The following SORL1 variants were observed in gnomAD, a reference collection of about 807,000 sequenced individuals.
SORL1 encodes the protein sortilin related receptor 1.
A neutral mutation model predicts 273.7 loss-of-function variants in SORL1; 127 were observed. The ratio of observed to expected loss-of-function variants is 0.46; its 90% CI spans 0.40 to 0.54. SORL1 has a LOEUF of 0.54. Among genes scored for constraint, SORL1 ranks in the 20% least tolerant of loss-of-function variants. The pLI, the probability that SORL1 is intolerant of heterozygous loss-of-function variation, is 0.00. For missense variants in SORL1, 2,494 were observed against 2,846.1 expected, an observed-to-expected ratio of 0.88 and a Z score of 2.81; for synonymous variants, 1,031 against 1,067.4, an observed-to-expected ratio of 0.97 and a Z score of 0.66.
chr11:121,580,832 T>G (rs1248320994), intron 25 of SORL1, among the ~76,000 whole-genome samples: 5 of 152,032 alleles, frequency 3.3e-5, no homozygotes, highest in African/African-American at 1.2e-4. Flanking sequence ...CTCGAACTCC[T>G]GGGTGCAAGT....
chr11:121,616,519 C>A (rs1322551375), intron 41 of SORL1, among the ~76,000 whole-genome samples: 4 of 152,210 alleles, frequency 2.6e-5, no homozygotes, highest in African/African-American at 9.6e-5. Flanking sequence ...CGGTCACCAG[C>A]CTTGTCCTCG....
chr11:121,460,780 C>T (rs1318499710), intron 1 of SORL1, among the ~76,000 whole-genome samples: 2 of 152,246 alleles, frequency 1.3e-5, no homozygotes, highest in South Asian at 2.1e-4. Flanking sequence ...GGGTTAAGAG[C>T]CACCTGTGGA....
chr11:121,502,099 G>C (rs1399239850), intron 6 of SORL1, among the ~76,000 whole-genome samples: 1 of 133,148 alleles, frequency 7.5e-6, no homozygotes, highest in African/African-American at 2.8e-5. Context: ...ACCTGGGAGT[G>C]TAACTACTGG....
chr11:121,611,566 T>TA (rs1234452431), intron 39 of SORL1: 1 of 155,998 alleles, frequency 6.4e-6, no homozygotes, highest in African/African-American at 2.4e-5. Flanking sequence ...CTTGGAAACA[T>TA]ATTCACTTTC....
At position 121,631,587 on chromosome 11, in the gene SORL1, T is replaced by C. The variant is rs1472329705; in HGVS notation, c.*2024T>C. 6.6e-6 allele frequency: 1 copy of C among 152,212 alleles called. No homozygotes were observed. The highest frequency in any genetic ancestry group is 1.9e-4 in the East Asian group (1 of 5,204). 9.4% of individuals were successfully genotyped at this position (152,212 alleles called of 1,614,324 possible). A position where few individuals can be genotyped will look rare whatever the true frequency, so the allele number is the denominator to read the frequency against. On this transcript the variant is annotated 3_prime_UTR_variant, in exon 48 of 48. Transcript: ENST00000260197. ...TTTTGGTGGCATTTGTAAAAGCTGA[T>C]ATAAAAGGCTCTGAGATGTTATTTT... is the stretch of plus-strand genomic sequence containing the variant.
rs554912526 is a variant in SORL1, at chr11:121,622,001, T to C, written c.6065-161T>C. Reference sequence around the variant, plus strand: ...AAAAGAGATGCCAATAAAGAATATCTACCATGTGCTAGGTTCTGTACTCAG... The same window carrying C: ...AAAAGAGATGCCAATAAAGAATATCCACCATGTGCTAGGTTCTGTACTCAG... On this transcript the variant is annotated intron_variant, in intron 44 of 47. Transcript: ENST00000260197. Among the ~76,000 whole-genome samples the C allele has an allele frequency of 4.6e-5, 7 of 152,370 alleles. No individual in the cohort carries two copies. The South Asian group carries it at 1.2e-3, about 27-fold the overall frequency.
Position 121,583,556 on chromosome 11 carries a change from G to C in SORL1, c.3679G>C (p.Gly1227Arg). 6.2e-7 allele frequency: 1 copy of C among 1,611,990 alleles called. No homozygotes were observed. The highest frequency in any genetic ancestry group is 8.5e-7 in the Non-Finnish European group (1 of 1,179,036). Residue 1227 changes from glycine (G) to arginine (R), a missense_variant, in exon 26 of 48, where the codon GGT becomes CGT. Coordinates refer to ENST00000260197, the MANE Select transcript of SORL1 (RefSeq NM_003105.6). ...ACDGDTDCQD[G>R]SDEDPVNCEK... ...TGACGGGGATACGGACTGCCAGGAT[G>C]GTTCCGATGAGGATCCAGTCAACTG... is the stretch of plus-strand genomic sequence containing the variant.
intron 11 of SORL1, 105 bp downstream of exon 11, chr11:121,523,094 G>C: frequency 3.9e-6 from 3 of 764,488 alleles, no homozygotes. Context: ...CCATGGCAGA[G>C]ACCAGTAATG....
chr11:121,590,263 C>T (rs757917966), intron 30 of SORL1, 89 bp downstream of exon 30: 3 of 1,379,982 alleles, frequency 2.2e-6, no homozygotes, highest in South Asian at 2.9e-5. Context: ...CTGGCTGATT[C>T]CGTGTTTTGG....
At position 121,605,489 on chromosome 11, in the gene SORL1, G is replaced by A. The variant is rs183510875; in HGVS notation, c.4866G>A (p.Thr1622=). 5.1e-5 allele frequency: 82 copies of A among 1,614,084 alleles called. No homozygotes were observed. The highest frequency in any genetic ancestry group is 3.6e-4 in the South Asian group (33 of 91,080). Residue 1622 remains threonine (T), a synonymous_variant, in exon 35 of 48, where the codon ACG becomes ACA. Transcript: ENST00000260197. ...TVLKVLKPDT[T]YQVKVQVQCL... ...TAAAAGTCTTGAAACCAGATACCAC[G>A]TATCAGGTTAAAGTACAGGTTCAGT... is the stretch of plus-strand genomic sequence containing the variant.
intron 6 of SORL1, among the ~76,000 whole-genome samples, chr11:121,510,147 A>G (rs970218365): frequency 5.9e-5 from 9 of 152,258 alleles, no homozygotes; most frequent in South Asian, 2.1e-4. Flanking sequence ...TACATTGCCA[A>G]TGATAAAATT....
intron 25 of SORL1, among the ~76,000 whole-genome samples, chr11:121,579,442 G>A (rs530424741): frequency 5.9e-5 from 9 of 152,318 alleles, no homozygotes; most frequent in Admixed American, 2.6e-4. Flanking sequence ...TCTGCTGTGC[G>A]TCCTCTTTGC....
chr11:121,484,856 C>T (rs575421400), intron 3 of SORL1, among the ~76,000 whole-genome samples: 1 of 152,176 alleles, frequency 6.6e-6, no homozygotes, highest in South Asian at 2.1e-4. Flanking sequence ...CAGGTTCAAG[C>T]GATTCTTGCA....
chr11:121,464,187 T>C (rs1396630416), intron 1 of SORL1, among the ~76,000 whole-genome samples: 2 of 152,218 alleles, frequency 1.3e-5, no homozygotes, highest in Non-Finnish European at 2.9e-5. Context: ...CTGCAAGCTG[T>C]GGGAGTCTAG....
chr11:121,566,411 C>T (rs913711035), intron 21 of SORL1, among the ~76,000 whole-genome samples: 9 of 152,012 alleles, frequency 5.9e-5, no homozygotes, highest in Non-Finnish European at 8.8e-5. Flanking sequence ...TGCTATATTG[C>T]CCAGGCTGGA....
intron 12 of SORL1, among the ~76,000 whole-genome samples, chr11:121,534,839 T>C (rs770305206): frequency 6.6e-6 from 1 of 152,246 alleles, no homozygotes; most frequent in Non-Finnish European, 1.5e-5. Flanking sequence ...CCTTCTAAGT[T>C]TGGCCTCCCC....
At chr11:121,469,932 G>T in intron 1 of SORL1, 75 bp from the exon 2 acceptor site, 1 of 1,027,272 alleles carries the variant, frequency 9.7e-7, no homozygotes. Flanking sequence ...TGACAAAGGA[G>T]GAAAGAGTCT....
chr11:121,488,101 T>C lies in SORL1; in HGVS notation c.598T>C (p.Phe200Leu), dbSNP rs866709747. The C allele has an allele frequency of 1.9e-6, 3 of 1,614,138 alleles. No individual in the cohort carries two copies. The African/African-American group carries it at 4.0e-5, about 22-fold the overall frequency. The change falls in exon 4 of 48, where the codon TTT becomes CTT. Residue 200 changes from phenylalanine to leucine, a missense_variant. Phe to Leu is a conservative substitution (Grantham distance 22). Around this residue, in one of 3 missense-constraint regions of SORL1, gnomAD observed 710 missense variants for 882.5 expected, o/e 0.80. Coordinates refer to ENST00000260197, the MANE Select transcript of SORL1 (RefSeq NM_003105.6). ...TFDFCNTLQG[F>L]SIPFRAADLL... is the part of the protein sequence containing the mutation. ...TGACTTCTGCAACACTCTTCAAGGC[T>C]TTTCCATCCCATTTCGGGCAGCTGA...
At chr11:121,499,058 G>A (rs1861673697) in intron 6 of SORL1, among the ~76,000 whole-genome samples, 1 of 152,138 alleles carries the variant, frequency 6.6e-6, no homozygotes, top group African/African-American at 2.4e-5. Flanking sequence ...ACAGTACCCA[G>A]TGCCTTGCGC....
Sources: allele counts gnomAD v4.1 joint callset (sites outside exome capture counted in the v4.1 genomes callset), GRCh38; gene constraint gnomAD v4.1.1; regional missense constraint gnomAD v4.1.1; transcripts MANE v1.5; gene names NCBI Gene and HGNC (gene_info 2026-07-23, HGNC 2026-07-21).